The following CTXN2 variants were observed in gnomAD, a reference collection of about 807,000 sequenced individuals.
CTXN2 encodes cortexin-2.
Under a neutral mutation model 5.7 loss-of-function variants are expected in CTXN2, and 3 were observed. The ratio of observed to expected loss-of-function variants is 0.53; its 90% CI spans 0.24 to 1.36. The LOEUF is 1.36. CTXN2 is among the 40% of genes most tolerant of loss of function. The probability of loss-of-function intolerance (pLI) is 0.17; values close to 1 mark genes in which losing one functional copy is unlikely to be tolerated. For missense variants in CTXN2, 87 were observed against 93.0 expected (o/e 0.94, Z 0.26); for synonymous variants, 38 against 36.4 (o/e 1.04, Z -0.16).
chr15:48,190,408 T>A (rs1270315507), upstream of CTXN2, among the ~76,000 whole-genome samples: 1 of 152,230 alleles, frequency 6.6e-6, no homozygotes, highest in Non-Finnish European at 1.5e-5. Flanking sequence ...TTAGTTCACC[T>A]ACATTTTAGG....
At chr15:48,195,877 C>T (rs2040874739) in intron 1 of CTXN2, among the ~76,000 whole-genome samples, 1 of 151,976 alleles carries the variant, frequency 6.6e-6, no homozygotes, top group South Asian at 2.1e-4. Context: ...TTTTTTATTG[C>T]TTTTGTAGAA....
intron 1 of CTXN2, among the ~76,000 whole-genome samples, chr15:48,199,267 C>T (rs1224751830): frequency 3.9e-5 from 6 of 152,168 alleles, no homozygotes; most frequent in Admixed American, 6.5e-5. Flanking sequence ...TCTCTGCAAT[C>T]GAGGCAATCA....
chr15:48,189,514 A>G (rs944911081), upstream of CTXN2: 2 of 152,220 alleles, frequency 1.3e-5, no homozygotes, highest in African/African-American at 4.8e-5. Flanking sequence ...CTCGGCCTGC[A>G]AAGAGAATGA....
chr15:48,197,613 A>T lies in CTXN2; in HGVS notation c.-57-3631A>T, dbSNP rs916742987. 2.0e-5 allele frequency among the ~76,000 whole-genome samples: 3 copies of T among 152,190 alleles called. No individual in the cohort carries two copies. In the South Asian group the frequency reaches 6.2e-4, roughly 32 times the overall value. On this transcript the variant is annotated intron_variant, in intron 1 of 1. Coordinates refer to ENST00000417307, the MANE Select transcript of CTXN2 (RefSeq NM_001145668.2). ...AATGAATAAATTAAAATATTATTAT[A>T]TGTTACCTTAAGTTCATTTAGCTCT...
chr15:48,195,169 G>C (rs1007903216), intron 1 of CTXN2, among the ~76,000 whole-genome samples: 1 of 151,920 alleles, frequency 6.6e-6, no homozygotes, highest in Non-Finnish European at 1.5e-5. Flanking sequence ...TCTTTGTTTT[G>C]ATTAATAAAA....
In CTXN2 at chr15:48,201,742, G is replaced by A. The variant is rs936576486; in HGVS notation, c.*196G>A. 7.9e-5 allele frequency: 49 copies of A among 619,574 alleles called. No individual in the cohort carries two copies. The highest frequency in any genetic ancestry group is 6.0e-5 in the Admixed American group (2 of 33,096). 38.4% of individuals were successfully genotyped at this position (619,574 alleles called of 1,614,324 possible). Reference sequence around the variant, plus strand: ...CCTCACTTTCCTCTGTTCCCACTTAGAGGTTTCCAATGAATAGAGCATAAG... The same window carrying A: ...CCTCACTTTCCTCTGTTCCCACTTAAAGGTTTCCAATGAATAGAGCATAAG... On this transcript the variant is annotated 3_prime_UTR_variant, in exon 2 of 2. Transcript: ENST00000417307.
At position 48,199,158 on chromosome 15, in the gene CTXN2, C is replaced by A. The variant is rs189243357; in HGVS notation, c.-57-2086C>A. 3.3e-5 allele frequency among the ~76,000 whole-genome samples: 5 copies of A among 152,190 alleles called. No homozygotes were observed. In the East Asian group the frequency reaches 9.6e-4, roughly 29 times the overall value. On this transcript the variant is annotated intron_variant, in intron 1 of 1. Transcript: ENST00000417307. ...AAGCTAAAATAGATTTTAGAGTTGA[C>A]CCCCTTTGATACAAGATGGCCACAC...
At chr15:48,186,385 C>G (rs1251660378) in intron 1 of CTXN2, among the ~76,000 whole-genome samples, 1 of 152,202 alleles carries the variant, frequency 6.6e-6, no homozygotes, top group Non-Finnish European at 1.5e-5. Context: ...TCATCATGCT[C>G]AATTCACTTA....
In CTXN2 at chr15:48,201,583, G is replaced by A. The variant is rs1448658048; in HGVS notation, c.*37G>A. 4 of 1,545,900 alleles carry A rather than the reference G, an allele frequency of 2.6e-6. No homozygotes were observed. Among genetic ancestry groups the A allele is most frequent in the Non-Finnish European group, 1.7e-6 (2 of 1,143,180 alleles). ...ATATGGTTTTTATGGTTGTGCCATC[G>A]GGACACATTCTGGATACAATTGTAA... On this transcript the variant is annotated 3_prime_UTR_variant, in exon 2 of 2. Transcript: ENST00000417307.
chr15:48,201,411 G>A lies in CTXN2; in HGVS notation c.111G>A (p.Leu37=). The A allele has an allele frequency of 1.3e-6, 2 of 1,551,394 alleles. No homozygotes were observed. Among genetic ancestry groups the A allele is most frequent in the Non-Finnish European group, 1.7e-6 (2 of 1,146,780 alleles). ...CTGGCTTTGCTTTTGTTGGGATTTT[G>A]TGTATCTTCTTGGGACTTCTTATTA... is the stretch of plus-strand genomic sequence containing the variant. The part of the protein sequence containing the change: ...QKTGFAFVGI[L]CIFLGLLIIR... The change falls in exon 2 of 2, where the codon TTG becomes TTA. Residue 37 remains leucine (L), a synonymous_variant. Coordinates refer to ENST00000417307, the MANE Select transcript of CTXN2 (RefSeq NM_001145668.2).
At chr15:48,182,913 A>G (rs1354313556) in intron 1 of CTXN2, among the ~76,000 whole-genome samples, 1 of 152,174 alleles carries the variant, frequency 6.6e-6, no homozygotes, top group Non-Finnish European at 1.5e-5. Flanking sequence ...ACAACAAGAT[A>G]AGTCTCAAGA....
chr15:48,200,664 C>G (rs1451746700), intron 1 of CTXN2, among the ~76,000 whole-genome samples: 1 of 152,050 alleles, frequency 6.6e-6, no homozygotes, highest in African/African-American at 2.4e-5. Flanking sequence ...CATAATTCCT[C>G]TCTTTAAGAA....
At chr15:48,181,976 A>G (rs1247416301) in intron 1 of CTXN2, among the ~76,000 whole-genome samples, 2 of 152,186 alleles carry the variant, frequency 1.3e-5, no homozygotes, top group Admixed American at 1.3e-4. Context: ...CTACATATGT[A>G]TTTCCCTTTT....
intron 1 of CTXN2, among the ~76,000 whole-genome samples, chr15:48,194,534 C>T (rs1173941158): frequency 6.6e-6 from 1 of 152,050 alleles, no homozygotes; most frequent in Non-Finnish European, 1.5e-5. Flanking sequence ...GCTTAGTTTC[C>T]ATCACCGCTG....
chr15:48,181,905 C>T (rs1385856266), intron 1 of CTXN2, among the ~76,000 whole-genome samples: 1 of 152,052 alleles, frequency 6.6e-6, no homozygotes, highest in Non-Finnish European at 1.5e-5. Flanking sequence ...AAAAATTTAC[C>T]TCTTTAAAGC....
At chr15:48,198,942 A>G (rs2040903969) in intron 1 of CTXN2, among the ~76,000 whole-genome samples, 1 of 152,156 alleles carries the variant, frequency 6.6e-6, no homozygotes, top group African/African-American at 2.4e-5. Context: ...AACTTTTGTG[A>G]TGTCAATTGT....
intron 1 of CTXN2, among the ~76,000 whole-genome samples, chr15:48,197,043 A>G (rs372326577): frequency 4.1e-5 from 6 of 145,050 alleles, no homozygotes; most frequent in African/African-American, 1.5e-4. Context: ...TCTAAAGCCC[A>G]TTCTATATTG....
intron 1 of CTXN2, among the ~76,000 whole-genome samples, chr15:48,180,287 G>A (rs1479427735): frequency 6.6e-6 from 1 of 152,094 alleles, no homozygotes; most frequent in Non-Finnish European, 1.5e-5. Context: ...GATTGGTGAG[G>A]GCCTTATAAA....
upstream of CTXN2, among the ~76,000 whole-genome samples, chr15:48,188,216 T>G (rs1003918849): frequency 1.8e-5 from 1 of 55,208 alleles, no homozygotes; most frequent in Non-Finnish European, 8.6e-5. Context: ...TTGCAGTAGT[T>G]AAGGTGATTA....
Sources: allele counts gnomAD v4.1 joint callset (sites outside exome capture counted in the v4.1 genomes callset), GRCh38; gene constraint gnomAD v4.1.1; transcripts MANE v1.5; gene names NCBI Gene and HGNC (gene_info 2026-07-23, HGNC 2026-07-21).